GGT5: variants seen among roughly 807,000 people sequenced by gnomAD.
The protein encoded by GGT5 is gamma-glutamyltransferase 5.
In GGT5, 50 loss-of-function variants were observed where a neutral mutation model predicts 58.1. The ratio of observed to expected loss-of-function variants is 0.86; its 90% CI spans 0.69 to 1.09. GGT5 has a LOEUF of 1.09. Among genes scored for constraint, GGT5 ranks in the 50% least tolerant of loss-of-function variants. GGT5 has a pLI of 0.00. For missense variants in GGT5, 800 were observed against 789.4 expected, an observed-to-expected ratio of 1.01 and a Z score of -0.16; for synonymous variants, 370 against 346.1, an observed-to-expected ratio of 1.07 and a Z score of -0.77.
rs577847286 is a variant in GGT5 at position 24,229,686 on chromosome 22, T to C, written c.901+1698A>G. 1.0e-3 allele frequency among the ~76,000 whole-genome samples: 156 copies of C among 150,410 alleles called. 1 individual carries two copies. Among genetic ancestry groups the C allele is most frequent in the Admixed American group, 2.9e-3 (44 of 15,004 alleles). On this transcript the variant is annotated intron_variant, in intron 6 of 11. Transcript: ENST00000327365. Reference sequence around the variant, plus strand: ...ATCTCTACTAAAAAAATAAAATAAATAAATAAATTAATTAATTAACCAGGC... The same window carrying C: ...ATCTCTACTAAAAAAATAAAATAAACAAATAAATTAATTAATTAACCAGGC...
chr22:24,225,483 C>A, intron 9 of GGT5, 63 bp downstream of exon 9: 1 of 1,593,752 alleles, frequency 6.3e-7, no homozygotes, highest in Non-Finnish European at 8.6e-7. Flanking sequence ...CAGCCCAGCC[C>A]CCTCCCTCCT....
chr22:24,226,789 G>T lies in GGT5; in HGVS notation c.902-22C>A. ...AACCCTGGAGAGAGGTTGGGGCACA[G>T]GTTGGTTGGGGTCACCCTATGTAAT... On this transcript the variant is annotated intron_variant, in intron 6 of 11. Transcript: ENST00000327365. 3 of 1,612,578 alleles carry T rather than the reference G, an allele frequency of 1.9e-6. 1 individual carries two copies. In the South Asian group the frequency reaches 3.3e-5, roughly 18 times the overall value.
chr22:24,240,546 C>G (rs1257201765), intron 1 of GGT5, among the ~76,000 whole-genome samples: 1 of 151,170 alleles, frequency 6.6e-6, no homozygotes, highest in Non-Finnish European at 1.5e-5. Flanking sequence ...CGGAGTGCAG[C>G]GACGTGATCT....
At chr22:24,226,050 T>C in intron 8 of GGT5, 26 bp downstream of exon 8, 1 of 1,504,288 alleles carries the variant, frequency 6.6e-7, no homozygotes, top group Non-Finnish European at 9.0e-7. Flanking sequence ...AGTGAAGCCA[T>C]CCGCCTTCCC....
intron 1 of GGT5, chr22:24,243,217 C>T (rs540124890): frequency 4.6e-5 from 7 of 152,338 alleles, no homozygotes; most frequent in Non-Finnish European, 5.9e-5. Context: ...AAGTGGGTGT[C>T]GCATCCTGAA....
rs373305235 is a variant in GGT5 at position 24,244,597 on chromosome 22, G to T, written c.129C>A (p.His43Gln). The change falls in exon 1 of 12, where the codon CAC (histidine) becomes CAA (glutamine). Residue 43 changes from histidine to glutamine, a missense_variant. His to Gln is a conservative substitution (Grantham distance 24). Transcript: ENST00000327365. ...CCTTGGAGTCGGCGGCAACAGCAGC[G>T]TGGGCAAAGGCCTGGGGGCCACATG... The part of the protein sequence containing the change: ...QAPCGPQAFA[H>Q]AAVAADSKVC... 1 of 1,612,608 alleles carries T rather than the reference G, an allele frequency of 6.2e-7. No individual in the cohort carries two copies. The highest frequency in any genetic ancestry group is 8.5e-7 in the Non-Finnish European group (1 of 1,179,878).
intron 11 of GGT5, among the ~76,000 whole-genome samples, chr22:24,222,462 C>T (rs1208946442): frequency 6.6e-6 from 1 of 152,194 alleles, no homozygotes; most frequent in East Asian, 1.9e-4. Context: ...AGACTCCATT[C>T]CTCAGAGTCC....
chr22:24,234,244 G>A (rs965202497), intron 1 of GGT5, among the ~76,000 whole-genome samples: 3 of 152,210 alleles, frequency 2.0e-5, no homozygotes, highest in Admixed American at 2.0e-4. Context: ...CCATATACAA[G>A]GTGCTTCTCA....
intron 6 of GGT5, among the ~76,000 whole-genome samples, 170 bp downstream of exon 6, chr22:24,231,214 T>C (rs1369550543): frequency 1.3e-5 from 2 of 152,136 alleles, no homozygotes; most frequent in African/African-American, 4.8e-5. Context: ...AAACCCACCA[T>C]CCTGATTGGT....
Position 24,226,196 on chromosome 22 carries a change from TC to T in GGT5, c.1108del (p.Asp370ThrfsTer77), listed in dbSNP as rs747658965. On this transcript the variant is annotated frameshift_variant, in exon 8 of 12. Coordinates refer to ENST00000327365, the MANE Select transcript of GGT5 (RefSeq NM_004121.5). LOFTEE classifies it high-confidence loss of function. ...CAAGCTGTAGTGGCTGAGCTGGTGG[TC>T]CCCCCGGCCATCGATCTGTTGGCGG... ...LIRQQIDGRG[D>X]HQLSHYSLAE... The T allele has an allele frequency of 5.0e-6, 8 of 1,608,908 alleles. No homozygotes were observed. The highest frequency in any genetic ancestry group is 1.7e-6 in the Non-Finnish European group (2 of 1,179,594).
rs985183445 is a variant in GGT5, at chr22:24,225,375, C to A, written c.1373G>T (p.Cys458Phe). Residue 458 changes from cysteine (C) to phenylalanine (F), a missense_variant, in exon 10 of 12, where the codon TGC (cysteine) becomes TTC (phenylalanine). Coordinates refer to ENST00000327365, the MANE Select transcript of GGT5 (RefSeq NM_004121.5). ...ACGCTCGCCTGGAACTGGGGGCCAGCACCTTCCGGGAGCTCCACCCACCCT... is the reference window on the plus strand; with the variant it reads ...ACGCTCGCCTGGAACTGGGGGCCAGAACCTTCCGGGAGCTCCACCCACCCT... ...GDRVGGAPGRCWPPVPGERSP... is the reference protein window; with the variant it reads ...GDRVGGAPGRFWPPVPGERSP... 5.0e-6 allele frequency: 8 copies of A among 1,610,124 alleles called. No homozygotes were observed. Among genetic ancestry groups the A allele is most frequent in the Admixed American group, 1.7e-5 (1 of 59,694 alleles).
At position 24,220,001 on chromosome 22, in the gene GGT5, A is replaced by C; in HGVS notation, c.1730T>G (p.Leu577Arg). ...GCCTGCGGCCTCCCCACTCTTCCTC[A>C]GGTCCGAGACGGCGTACACACAGGC... ...EGACVYAVSD[L>R]RKSGEAAGY The change falls in exon 12 of 12, where the codon CTG becomes CGG. Residue 577 changes from leucine to arginine, a missense_variant. Leu to Arg is a moderately radical substitution (Grantham distance 102). Transcript: ENST00000327365. 1 of 1,614,072 alleles carries C rather than the reference A, an allele frequency of 6.2e-7. No individual in the cohort carries two copies. Among genetic ancestry groups the C allele is most frequent in the Non-Finnish European group, 8.5e-7 (1 of 1,179,958 alleles).
intron 6 of GGT5, among the ~76,000 whole-genome samples, chr22:24,227,019 G>A (rs1438809255): frequency 7.0e-6 from 1 of 143,582 alleles, no homozygotes; most frequent in Non-Finnish European, 1.5e-5. Context: ...CGCAGTCTCA[G>A]CTCACTGCAA....
intron 11 of GGT5, among the ~76,000 whole-genome samples, chr22:24,223,759 T>C: frequency 6.8e-6 from 1 of 146,458 alleles, no homozygotes; most frequent in South Asian, 2.3e-4. Context: ...TCAATCTTTT[T>C]TTTTTTTTTT....
At position 24,232,824 on chromosome 22, in the gene GGT5, G is replaced by A. The variant is rs765354955; in HGVS notation, c.595C>T (p.Arg199Cys). ...LRPSLQASTLRQLFFNGTEPL... is the reference protein window; with the variant it reads ...LRPSLQASTLCQLFFNGTEPL... ...CCAGGGCCACCATGTGGGGCTCACC[G>A]CAGGGTTGACGCCTGCAAGGAAGGC... Residue 199 changes from arginine (R) to cysteine (C), a missense_variant and splice_region_variant, in exon 4 of 12, where the codon CGC becomes TGC. Physicochemically the swap from Arg to Cys is radical, Grantham distance 180. Coordinates refer to ENST00000327365, the MANE Select transcript of GGT5 (RefSeq NM_004121.5). The A allele has an allele frequency of 3.0e-5, 45 of 1,513,312 alleles. No homozygotes were observed. Among genetic ancestry groups the A allele is most frequent in the Non-Finnish European group, 3.7e-5 (42 of 1,124,628 alleles). The allele number at this position is 1,513,312 out of a possible 1,614,324, so 93.7% of individuals were successfully genotyped here.
At chr22:24,238,125 A>C (rs2048152278) in intron 1 of GGT5, among the ~76,000 whole-genome samples, 1 of 149,060 alleles carries the variant, frequency 6.7e-6, no homozygotes, top group Non-Finnish European at 1.5e-5. Flanking sequence ...TCTACTTGGG[A>C]GGCTGAGGCA....
intron 1 of GGT5, among the ~76,000 whole-genome samples, chr22:24,239,945 G>T (rs987365455): frequency 3.9e-5 from 6 of 152,000 alleles, no homozygotes; most frequent in African/African-American, 7.3e-5. Flanking sequence ...AATTAGCCGG[G>T]CATAGTGGTG....
chr22:24,227,854 A>G (rs2047813184), intron 6 of GGT5, among the ~76,000 whole-genome samples: 1 of 151,890 alleles, frequency 6.6e-6, no homozygotes, highest in Admixed American at 6.6e-5. Context: ...GTTCAAGACC[A>G]GCCTGACTAA....
Position 24,225,320 on chromosome 22 carries a change from C to T in GGT5, c.1428G>A (p.Leu476=). 1 of 1,614,026 alleles carries T rather than the reference C, an allele frequency of 6.2e-7. No individual in the cohort carries two copies. Among genetic ancestry groups the T allele is most frequent in the South Asian group, 1.1e-5 (1 of 91,062 alleles). ...GCTTCGACCCCTGGGCTTTGTTGAT[C>T]AAGATGGAGGGCACCATGGAGGATG... ...RSPSSMVPSI[L]INKAQGSKLV... The change falls in exon 10 of 12, where the codon TTG becomes TTA. Residue 476 remains leucine (L), a synonymous_variant. Transcript: ENST00000327365.
Sources: allele counts gnomAD v4.1 joint callset (sites outside exome capture counted in the v4.1 genomes callset), GRCh38; gene constraint gnomAD v4.1.1; transcripts MANE v1.5; gene names NCBI Gene and HGNC (gene_info 2026-07-23, HGNC 2026-07-21).